SCN11A: variants seen among roughly 807,000 people sequenced by gnomAD.
The protein encoded by SCN11A is sodium channel protein type 11 subunit alpha.
A neutral mutation model predicts 162.2 loss-of-function variants in SCN11A; 122 were observed. The observed-to-expected ratio is 0.75, with a 90% CI of 0.65 to 0.87. SCN11A has a LOEUF of 0.87. Ranked by LOEUF, SCN11A falls within the 40% of genes least tolerant of loss-of-function variation. The pLI, the probability that SCN11A is intolerant of heterozygous loss-of-function variation, is 0.00. For missense variants in SCN11A, 2,015 were observed against 2,181.6 expected (o/e 0.92, Z 1.52); for synonymous variants, 758 against 751.5 (o/e 1.01, Z -0.14).
At chr3:38,941,145 C>T (rs575115643) in intron 7 of SCN11A, among the ~76,000 whole-genome samples, 2 of 152,026 alleles carry the variant, frequency 1.3e-5, no homozygotes, top group Non-Finnish European at 1.5e-5. Context: ...TTAAGGTGGC[C>T]GAGGGTGGGG....
At chr3:38,970,148 C>T (rs1375294103) in intron 2 of SCN11A, among the ~76,000 whole-genome samples, 5 of 152,194 alleles carry the variant, frequency 3.3e-5, no homozygotes, top group Admixed American at 6.5e-5. Flanking sequence ...GAGGGTTATA[C>T]TGCACAGCCC....
intron 28 of SCN11A, among the ~76,000 whole-genome samples, chr3:38,855,006 G>A (rs1357864668): frequency 6.6e-6 from 1 of 152,234 alleles, no homozygotes; most frequent in East Asian, 1.9e-4. Flanking sequence ...GCAGAATCCA[G>A]GGGGCTAACG....
At chr3:38,995,759 A>G (rs1414985033) in intron 2 of SCN11A, among the ~76,000 whole-genome samples, 1 of 149,422 alleles carries the variant, frequency 6.7e-6, no homozygotes, top group Non-Finnish European at 1.5e-5. Context: ...GGAACTTCTC[A>G]GCCTCCATAA....
At chr3:39,038,707 G>T (rs1487224767) in intron 1 of SCN11A, among the ~76,000 whole-genome samples, 3 of 152,276 alleles carry the variant, frequency 2.0e-5, no homozygotes, top group African/African-American at 7.2e-5. Flanking sequence ...TCTTCTTCAA[G>T]TTCTGTACTG....
chr3:38,987,335 A>ACG (rs2030291920), intron 2 of SCN11A, among the ~76,000 whole-genome samples: 1 of 136,904 alleles, frequency 7.3e-6, no homozygotes, highest in Non-Finnish European at 1.5e-5. Flanking sequence ...ACACACACAC[A>ACG]CACACACCTG....
At chr3:38,981,845 A>G (rs1247097287) in intron 2 of SCN11A, among the ~76,000 whole-genome samples, 4 of 151,918 alleles carry the variant, frequency 2.6e-5, no homozygotes, top group Non-Finnish European at 5.9e-5. Context: ...TTCTATTAAA[A>G]ATACAAAAAT....
At chr3:38,947,483 C>T (rs2066535689) in intron 5 of SCN11A, among the ~76,000 whole-genome samples, 1 of 152,144 alleles carries the variant, frequency 6.6e-6, no homozygotes, top group African/African-American at 2.4e-5. Flanking sequence ...TGGGCATTGC[C>T]CCTACAGAAG....
intron 22 of SCN11A, among the ~76,000 whole-genome samples, chr3:38,881,055 G>A (rs1284036930): frequency 4.6e-5 from 7 of 152,218 alleles, no homozygotes; most frequent in Admixed American, 2.6e-4. Flanking sequence ...GAATGCAAAA[G>A]AGTAAAACAG....
At chr3:39,020,371 CAG>C (rs2031419486) in intron 2 of SCN11A, among the ~76,000 whole-genome samples, 1 of 152,220 alleles carries the variant, frequency 6.6e-6, no homozygotes, top group Non-Finnish European at 1.5e-5. Flanking sequence ...TGTCCCGCCT[CAG>C]AGTTTGCCTG....
At chr3:38,942,043 A>C (rs2066450382) in intron 7 of SCN11A, among the ~76,000 whole-genome samples, 1 of 152,142 alleles carries the variant, frequency 6.6e-6, no homozygotes, top group Non-Finnish European at 1.5e-5. Flanking sequence ...GAGCTTAAGA[A>C]AGCTGAAGTA....
chr3:39,051,671 A>G (rs920906438), intron 1 of SCN11A, among the ~76,000 whole-genome samples, 190 bp downstream of exon 1: 2 of 151,932 alleles, frequency 1.3e-5, no homozygotes, highest in African/African-American at 2.4e-5. Context: ...GTCCAGCGCC[A>G]TGTCTAGCAC....
At chr3:38,940,791 T>G (rs1037558564) in intron 7 of SCN11A, among the ~76,000 whole-genome samples, 1 of 152,168 alleles carries the variant, frequency 6.6e-6, no homozygotes, top group Non-Finnish European at 1.5e-5. Flanking sequence ...TCCACGGGCA[T>G]AGAGGAAAGT....
chr3:38,896,925 C>T lies in SCN11A; in HGVS notation c.2323G>A (p.Glu775Lys), dbSNP rs773777175. The change falls in exon 18 of 30, where the codon GAA becomes AAA. Residue 775 changes from glutamate to lysine, a missense_variant. Physicochemically the swap from Glu to Lys is moderately conservative, Grantham distance 56. Transcript: ENST00000302328. ...LCGEWIENMWECMQEANASSS... is the reference protein window; with the variant it reads ...LCGEWIENMWKCMQEANASSS... ...GATGCATTCGCTTCTTGCATACATT[C>T]CCACATATTTTCGATCCATTCCCCG... is the stretch of plus-strand genomic sequence containing the variant. 6.2e-6 allele frequency: 10 copies of T among 1,613,466 alleles called. No individual in the cohort carries two copies. In the Admixed American group the frequency reaches 1.0e-4, roughly 16 times the overall value.
chr3:39,043,483 C>CA (rs34032181), intron 1 of SCN11A, among the ~76,000 whole-genome samples: 23,556 of 104,986 alleles, frequency 0.22, 4,090 homozygotes, highest in African/African-American at 0.5. Context: ...ACTATACAGC[C>CA]AAAAAAAAAA....
At position 38,847,571 on chromosome 3, in the gene SCN11A, A is replaced by C. The variant is rs1460417708; in HGVS notation, c.4499T>G (p.Ile1500Ser). The part of the protein sequence containing the change: ...LMMSLPSLFN[I>S]GLLLFLIMFI... The stretch of plus-strand genomic sequence containing the variant: ...CATAATCAGAAAGAGTAGAAGACCA[A>C]TGTTGAACAGAGAAGGAAGCGACAT... The change falls in exon 30 of 30, where the codon ATT becomes AGT. Residue 1500 changes from isoleucine (I) to serine (S), a missense_variant. Transcript: ENST00000302328. The C allele has an allele frequency of 8.7e-6, 14 of 1,614,078 alleles. No homozygotes were observed. Among genetic ancestry groups the C allele is most frequent in the Non-Finnish European group, 1.2e-5 (14 of 1,180,032 alleles).
intron 1 of SCN11A, among the ~76,000 whole-genome samples, chr3:39,040,349 C>T (rs2032018566): frequency 6.6e-6 from 1 of 152,174 alleles, no homozygotes; most frequent in African/African-American, 2.4e-5. Context: ...CTTATGCAAT[C>T]AACACTACAG....
At position 38,896,924 on chromosome 3, in the gene SCN11A, T is replaced by C; in HGVS notation, c.2324A>G (p.Glu775Gly). 6.2e-7 allele frequency: 1 copy of C among 1,613,976 alleles called. No individual in the cohort carries two copies. The highest frequency in any genetic ancestry group is 1.3e-5 in the African/African-American group (1 of 74,970). Residue 775 changes from glutamate to glycine, a missense_variant, in exon 18 of 30, where the codon GAA becomes GGA. Glu to Gly is a moderately conservative substitution (Grantham distance 98, BLOSUM62 -2). Coordinates refer to ENST00000302328, the MANE Select transcript of SCN11A (RefSeq NM_001349253.2). Reference protein sequence around the residue: ...LCGEWIENMWECMQEANASSS... With the variant: ...LCGEWIENMWGCMQEANASSS... ...TGATGCATTCGCTTCTTGCATACATTCCCACATATTTTCGATCCATTCCCC... is the reference window on the plus strand; with the variant it reads ...TGATGCATTCGCTTCTTGCATACATCCCCACATATTTTCGATCCATTCCCC...
chr3:38,928,496 C>A (rs1238209640), intron 7 of SCN11A, among the ~76,000 whole-genome samples: 1 of 152,028 alleles, frequency 6.6e-6, no homozygotes, highest in East Asian at 1.9e-4. Flanking sequence ...ATGTAACAAA[C>A]CTTCATGTTC....
chr3:39,027,983 T>C (rs1459337089), intron 2 of SCN11A, among the ~76,000 whole-genome samples: 1 of 152,210 alleles, frequency 6.6e-6, no homozygotes, highest in African/African-American at 2.4e-5. Flanking sequence ...GGTGGTCCTC[T>C]TGAGTGGGAC....
Sources: gnomAD v4.1 joint callset for allele counts (sites outside exome capture counted in the v4.1 genomes callset) on GRCh38, gnomAD v4.1.1 for gene constraint, MANE v1.5 for transcripts, NCBI Gene and HGNC (gene_info 2026-07-23, HGNC 2026-07-21) for gene names.